MRPS18A: variants seen among roughly 807,000 people sequenced by gnomAD.
The protein encoded by MRPS18A is large ribosomal subunit protein mL66.
A neutral mutation model predicts 22.7 loss-of-function variants in MRPS18A; 20 were observed. The ratio of observed to expected loss-of-function variants is 0.88; its 90% CI spans 0.62 to 1.28. The LOEUF (loss-of-function observed/expected upper bound fraction) is 1.28. Among genes scored for constraint, MRPS18A ranks in the 50% most tolerant of loss-of-function variants. The pLI, the probability that MRPS18A is intolerant of heterozygous loss-of-function variation, is 0.00. For missense variants in MRPS18A, 294 were observed against 262.6 expected, an observed-to-expected ratio of 1.12 and a Z score of -0.83; for synonymous variants, 106 against 99.1, an observed-to-expected ratio of 1.07 and a Z score of -0.41.
At chr6:43,672,910 C>T (rs1773822201) in intron 5 of MRPS18A, among the ~76,000 whole-genome samples, 1 of 151,826 alleles carries the variant, frequency 6.6e-6, no homozygotes, top group Non-Finnish European at 1.5e-5. Context: ...GATGGGAGGG[C>T]CTTCCATGTG....
chr6:43,674,360 A>T (rs1389400725), intron 5 of MRPS18A, among the ~76,000 whole-genome samples: 1 of 152,124 alleles, frequency 6.6e-6, no homozygotes, highest in Non-Finnish European at 1.5e-5. Context: ...CAAAAACTGC[A>T]ATTACTTCCG....
Position 43,675,272 on chromosome 6 carries a change from C to G in MRPS18A, c.377-1G>C. 1 of 1,535,380 alleles carries G rather than the reference C, an allele frequency of 6.5e-7. No individual in the cohort carries two copies. Among genetic ancestry groups the G allele is most frequent in the African/African-American group, 1.4e-5 (1 of 72,460 alleles). On this transcript the variant is annotated splice_acceptor_variant, in intron 4 of 5. Transcript: ENST00000372133. LOFTEE classifies it high-confidence loss of function. ...CGAGGCCTGTGATTTGGTAATAGACCTGAGTGGCGGGGAAGAGGGGATAGT... is the reference window on the plus strand; with the variant it reads ...CGAGGCCTGTGATTTGGTAATAGACGTGAGTGGCGGGGAAGAGGGGATAGT...
intron 1 of MRPS18A, 81 bp from the exon 2 acceptor site, chr6:43,681,201 C>T: frequency 3.5e-6 from 5 of 1,441,560 alleles, no homozygotes; most frequent in Non-Finnish European, 4.8e-6. Context: ...AAATTCTACA[C>T]ATCTGGAAAA....
chr6:43,679,821 G>A (rs961709774), intron 2 of MRPS18A, among the ~76,000 whole-genome samples: 1 of 152,172 alleles, frequency 6.6e-6, no homozygotes, highest in African/African-American at 2.4e-5. Context: ...GCAAGTACAC[G>A]GTAGGCCTTG....
At chr6:43,683,335 A>AT (rs1289126967) in intron 1 of MRPS18A, among the ~76,000 whole-genome samples, 2 of 152,222 alleles carry the variant, frequency 1.3e-5, no homozygotes, top group Admixed American at 6.5e-5. Context: ...ACTGACACTG[A>AT]TCAGGGTGGT....
At chr6:43,677,684 G>A (rs751130919) in intron 3 of MRPS18A, among the ~76,000 whole-genome samples, 2 of 152,134 alleles carry the variant, frequency 1.3e-5, no homozygotes, top group Non-Finnish European at 2.9e-5. Flanking sequence ...GATACTGGCT[G>A]GGGGATCTGA....
intron 3 of MRPS18A, among the ~76,000 whole-genome samples, chr6:43,677,077 G>A (rs533941611): frequency 3.9e-5 from 6 of 152,344 alleles, no homozygotes; most frequent in African/African-American, 1.4e-4. Context: ...GCTGGAGAGA[G>A]CCAAGTATGT....
chr6:43,672,410 G>C (rs778670954), intron 5 of MRPS18A: 5 of 471,438 alleles, frequency 1.1e-5, no homozygotes, highest in South Asian at 1.5e-5. Flanking sequence ...CAAGGGGTAA[G>C]GGCCCGTGGG....
In MRPS18A at chr6:43,673,822, G is replaced by C. The variant is rs72859038; in HGVS notation, c.446+1380C>G. On this transcript the variant is annotated intron_variant, in intron 5 of 5. Coordinates refer to ENST00000372133, the MANE Select transcript of MRPS18A (RefSeq NM_018135.4). The surrounding 1 kb of genome is among the most constrained non-coding windows in gnomAD (Gnocchi z 4.2). ...CTTCGTAGCCTGAACTCCCCCTCCCGCTCAGCGTGGCCTTTTGCAACCGAC... is the reference window on the plus strand; with the variant it reads ...CTTCGTAGCCTGAACTCCCCCTCCCCCTCAGCGTGGCCTTTTGCAACCGAC... Among the ~76,000 whole-genome samples the C allele has an allele frequency of 6.6e-6, 1 of 152,272 alleles. No homozygotes were observed. The highest frequency in any genetic ancestry group is 1.5e-5 in the Non-Finnish European group (1 of 68,022).
At chr6:43,684,367 T>G (rs1326524832) in intron 1 of MRPS18A, among the ~76,000 whole-genome samples, 4 of 152,036 alleles carry the variant, frequency 2.6e-5, no homozygotes, top group African/African-American at 9.7e-5. Context: ...AATAGTCTTA[T>G]GTAGGGTCAG....
chr6:43,673,768 C>T lies in MRPS18A; in HGVS notation c.446+1434G>A, dbSNP rs996602615. Among the ~76,000 whole-genome samples, 8 of 152,236 alleles carry T rather than the reference C, an allele frequency of 5.3e-5. No homozygotes were observed. Among genetic ancestry groups the T allele is most frequent in the Non-Finnish European group, 8.8e-5 (6 of 68,022 alleles). On this transcript the variant is annotated intron_variant, in intron 5 of 5. Coordinates refer to ENST00000372133, the MANE Select transcript of MRPS18A (RefSeq NM_018135.4). The surrounding 1 kb of genome is among the most constrained non-coding windows in gnomAD (Gnocchi z 4.2). ...TGGGCCCATGCATGGCAGCATTAAA[C>T]GAGACTCCCCTGCAAGGGAATCCAT...
intron 2 of MRPS18A, among the ~76,000 whole-genome samples, chr6:43,680,242 G>GGGA: frequency 1.0e-5 from 1 of 100,326 alleles, no homozygotes; most frequent in South Asian, 4.9e-4. Flanking sequence ...TAAGGGGATT[G>GGGA]GGGGGGGTCC....
chr6:43,687,710 C>G lies in MRPS18A; in HGVS notation c.70G>C (p.Ala24Pro). 1 of 1,585,980 alleles carries G rather than the reference C, an allele frequency of 6.3e-7. No homozygotes were observed. Among genetic ancestry groups the G allele is most frequent in the Non-Finnish European group, 8.6e-7 (1 of 1,166,360 alleles). ...LLRGLLAGPA[A>P]TSWSRLPARG... ...GCTGGAAGCCGAGACCAGCTGGTCGCTGCCGGGCCCGCTAGTAGCCCACGG... is the reference window on the plus strand; with the variant it reads ...GCTGGAAGCCGAGACCAGCTGGTCGGTGCCGGGCCCGCTAGTAGCCCACGG... The change falls in exon 1 of 6, where the codon GCG becomes CCG. Residue 24 changes from alanine to proline, a missense_variant. Ala to Pro is a conservative substitution (Grantham distance 27, BLOSUM62 -1). Transcript: ENST00000372133.
At chr6:43,681,965 T>C (rs16896649) in intron 1 of MRPS18A, among the ~76,000 whole-genome samples, 11,606 of 152,266 alleles carry the variant, frequency 0.076, 1,467 homozygotes, top group African/African-American at 0.26. Flanking sequence ...TATAATCAAA[T>C]AGTTCTTGGA....
intron 3 of MRPS18A, among the ~76,000 whole-genome samples, chr6:43,677,560 C>T (rs544056839): frequency 6.6e-6 from 1 of 152,280 alleles, no homozygotes; most frequent in Admixed American, 6.5e-5. Flanking sequence ...AGGATTTCTC[C>T]AGGGCTGTGT....
chr6:43,683,893 TAA>T (rs1774547015), intron 1 of MRPS18A, among the ~76,000 whole-genome samples: 1 of 152,196 alleles, frequency 6.6e-6, no homozygotes, highest in African/African-American at 2.4e-5. Flanking sequence ...CCATGCCTCG[TAA>T]AGAGGTCCTT....
chr6:43,674,805 C>A (rs1028023190), intron 5 of MRPS18A, among the ~76,000 whole-genome samples: 2 of 152,216 alleles, frequency 1.3e-5, no homozygotes, highest in Non-Finnish European at 2.9e-5. Flanking sequence ...GTGCGACCTG[C>A]ACAGCTGTAT....
chr6:43,684,749 C>T (rs1237928976), intron 1 of MRPS18A, among the ~76,000 whole-genome samples: 2 of 152,218 alleles, frequency 1.3e-5, no homozygotes, highest in Non-Finnish European at 2.9e-5. Context: ...AGAAGGCCTT[C>T]TTAACTGACT....
At chr6:43,685,388 T>C (rs2127954705) in intron 1 of MRPS18A, among the ~76,000 whole-genome samples, 1 of 152,332 alleles carries the variant, frequency 6.6e-6, no homozygotes, top group Non-Finnish European at 1.5e-5. Flanking sequence ...GCAGCAGGAC[T>C]GCCATTTTGG....
Sources: allele counts gnomAD v4.1 joint callset (sites outside exome capture counted in the v4.1 genomes callset), GRCh38; gene constraint gnomAD v4.1.1; non-coding constraint Gnocchi (gnomAD v3.1); transcripts MANE v1.5; gene names NCBI Gene and HGNC (gene_info 2026-07-23, HGNC 2026-07-21).